MAP3K19: variants seen among roughly 807,000 people sequenced by gnomAD.
The protein encoded by MAP3K19 is mitogen-activated protein kinase kinase kinase 19, also known as SPS1/STE20-related protein kinase YSK4.
A neutral mutation model predicts 114.4 loss-of-function variants in MAP3K19; 91 were observed. The ratio of observed to expected loss-of-function variants is 0.80; its 90% CI spans 0.67 to 0.95. MAP3K19 has a LOEUF of 0.95. MAP3K19 is among the 40% of genes least tolerant of loss of function. The probability of loss-of-function intolerance (pLI) is 0.00; values close to 1 mark genes in which losing one functional copy is unlikely to be tolerated. For missense variants in MAP3K19, 1,471 were observed against 1,573.2 expected, an observed-to-expected ratio of 0.94 and a Z score of 1.10; for synonymous variants, 518 against 530.5, an observed-to-expected ratio of 0.98 and a Z score of 0.32.
At chr2:135,023,712 T>C in intron 4 of MAP3K19, 1 of 391,354 alleles carries the variant, frequency 2.6e-6, no homozygotes, top group Non-Finnish European at 5.2e-6. Context: ...AGGCTCACTC[T>C]CACACCCCAC....
intron 5 of MAP3K19, among the ~76,000 whole-genome samples, chr2:135,015,306 A>G (rs77053094): frequency 0.011 from 1,751 of 152,292 alleles, 28 homozygotes; most frequent in African/African-American, 0.039. Flanking sequence ...AAAGCTGAGC[A>G]TCTTTTAATA....
intron 2 of MAP3K19, among the ~76,000 whole-genome samples, chr2:135,037,092 G>A (rs1181390853): frequency 2.0e-5 from 3 of 152,018 alleles, no homozygotes; most frequent in Non-Finnish European, 4.4e-5. Context: ...TGCCTCCTGG[G>A]TTCAAGCAAT....
At chr2:134,978,417 T>C (rs1684396750) in intron 12 of MAP3K19, among the ~76,000 whole-genome samples, 1 of 152,064 alleles carries the variant, frequency 6.6e-6, no homozygotes, top group Non-Finnish European at 1.5e-5. Flanking sequence ...TTGGTCTCCA[T>C]CTTGAACTCC....
In MAP3K19 at chr2:135,022,666, A is replaced by G. The variant is rs1030967745; in HGVS notation, c.23-836T>C. ...AAAGCAACACAGGGCCTTACAGACC[A>G]TCCTATAATTTAAAAAATTTAGATC... On this transcript the variant is annotated intron_variant, in intron 4 of 12. Coordinates refer to ENST00000392915, the MANE Select transcript of MAP3K19 (RefSeq NM_025052.5). Among the ~76,000 whole-genome samples the G allele has an allele frequency of 2.0e-5, 3 of 152,338 alleles. No individual in the cohort carries two copies. In the East Asian group the frequency reaches 5.8e-4, roughly 29 times the overall value.
intron 8 of MAP3K19, among the ~76,000 whole-genome samples, chr2:134,991,797 T>G (rs1685598837): frequency 6.6e-6 from 1 of 152,202 alleles, no homozygotes; most frequent in Non-Finnish European, 1.5e-5. Context: ...TATTTATATC[T>G]CTATTCTGAC....
rs1177117281 is a variant in MAP3K19 at position 134,988,043 on chromosome 2, GA to G, written c.828del (p.Leu277SerfsTer37). ...GALVKSLMDP[T>X]LRSSDGFIWS... is the part of the protein sequence containing the mutation. ...CAAATGAAGCCATCAGAAGACCTGA[GA>G]GTCGGATCCATCAACGACTTAACTA... On this transcript the variant is annotated frameshift_variant, in exon 10 of 13. Coordinates refer to ENST00000392915, the MANE Select transcript of MAP3K19 (RefSeq NM_025052.5). LOFTEE classifies it high-confidence loss of function. 1 of 1,613,770 alleles carries G rather than the reference GA, an allele frequency of 6.2e-7. No homozygotes were observed. Among genetic ancestry groups the G allele is most frequent in the Non-Finnish European group, 8.5e-7 (1 of 1,179,878 alleles).
intron 8 of MAP3K19, among the ~76,000 whole-genome samples, chr2:134,997,885 C>T (rs1686133011): frequency 6.6e-6 from 1 of 151,554 alleles, no homozygotes; most frequent in Admixed American, 6.6e-5. Flanking sequence ...CTCTTAAAAT[C>T]CCATAATAAT....
In MAP3K19 at chr2:134,986,486, T is replaced by G; in HGVS notation, c.2386A>C (p.Met796Leu). ...ACAGGAGGGAATTCATTCTGTTTCA[T>G]GGACTGCTCAGGTGTCTGAGCCAAG... is the stretch of plus-strand genomic sequence containing the variant. ...MNLAQTPEQS[M>L]KQNEFPPVSD... The change falls in exon 10 of 13, where the codon ATG becomes CTG. Residue 796 changes from methionine (M) to leucine (L), a missense_variant. Met to Leu is a conservative substitution (Grantham distance 15). Coordinates refer to ENST00000392915, the MANE Select transcript of MAP3K19 (RefSeq NM_025052.5). 6.2e-7 allele frequency: 1 copy of G among 1,614,138 alleles called. No individual in the cohort carries two copies. Among genetic ancestry groups the G allele is most frequent in the Non-Finnish European group, 8.5e-7 (1 of 1,180,006 alleles).
chr2:135,029,147 C>T (rs1465791132), intron 3 of MAP3K19, among the ~76,000 whole-genome samples: 2 of 152,112 alleles, frequency 1.3e-5, no homozygotes, highest in Admixed American at 1.3e-4. Flanking sequence ...CCGAGGCGGG[C>T]AGATCACAAG....
At chr2:135,020,024 C>CTT (rs112740691) in intron 5 of MAP3K19, among the ~76,000 whole-genome samples, 4 of 148,698 alleles carry the variant, frequency 2.7e-5, no homozygotes, top group African/African-American at 9.8e-5. Flanking sequence ...TTTTCTTTTC[C>CTT]TTTTTTTTTT....
chr2:135,039,646 G>T (rs1688608066), intron 2 of MAP3K19, among the ~76,000 whole-genome samples: 1 of 152,150 alleles, frequency 6.6e-6, no homozygotes, highest in African/African-American at 2.4e-5. Context: ...AACTTGTGCA[G>T]TTGAGTAAAA....
At chr2:134,980,524 A>G (rs1684559781) in intron 12 of MAP3K19, among the ~76,000 whole-genome samples, 1 of 152,216 alleles carries the variant, frequency 6.6e-6, no homozygotes, top group Non-Finnish European at 1.5e-5. Flanking sequence ...TCATTGGTAA[A>G]TAAGTAGATC....
chr2:134,972,060 C>T (rs1343207464), intron 12 of MAP3K19, among the ~76,000 whole-genome samples: 3 of 151,920 alleles, frequency 2.0e-5, no homozygotes, highest in Non-Finnish European at 4.4e-5. Flanking sequence ...ATGGGGTATC[C>T]ATCCTCTCAA....
At chr2:135,012,193 C>CT (rs1386375523) in intron 5 of MAP3K19, among the ~76,000 whole-genome samples, 3 of 152,108 alleles carry the variant, frequency 2.0e-5, no homozygotes, top group Non-Finnish European at 4.4e-5. Context: ...GCTGTGGGGG[C>CT]TGTCGTGTGT....
chr2:134,983,775 G>A lies in MAP3K19; in HGVS notation c.3123C>T (p.Ile1041=), dbSNP rs572777417. The A allele has an allele frequency of 6.2e-7, 1 of 1,605,814 alleles. No individual in the cohort carries two copies. Among genetic ancestry groups the A allele is most frequent in the African/African-American group, 1.3e-5 (1 of 74,546 alleles). ...RIYDREEKFL[I]SNEKKIFSEN... is the part of the protein sequence containing the mutation. Reference sequence around the variant, plus strand: ...CAGAAAATATCTTCTTTTCATTTGAGATGAGAAATTTCTCCTCCCTGTCAT... The same window carrying A: ...CAGAAAATATCTTCTTTTCATTTGAAATGAGAAATTTCTCCTCCCTGTCAT... The change falls in exon 11 of 13, where the codon ATC becomes ATT. Residue 1041 remains isoleucine, a synonymous_variant. Transcript: ENST00000392915.
chr2:134,968,559 G>A (rs1345391837), intron 12 of MAP3K19, among the ~76,000 whole-genome samples: 42 of 150,576 alleles, frequency 2.8e-4, no homozygotes, highest in Non-Finnish European at 5.3e-4. Flanking sequence ...CAGACGGGGT[G>A]GCTGCCGGGC....
At chr2:134,968,353 C>A (rs1389511179) in intron 12 of MAP3K19, among the ~76,000 whole-genome samples, 1 of 151,648 alleles carries the variant, frequency 6.6e-6, no homozygotes, top group African/African-American at 2.4e-5. Flanking sequence ...TCATCATGGC[C>A]CGTTCTCAAT....
intron 5 of MAP3K19, among the ~76,000 whole-genome samples, chr2:135,006,212 G>T (rs1215652043): frequency 1.3e-5 from 2 of 152,220 alleles, no homozygotes; most frequent in Non-Finnish European, 2.9e-5. Context: ...TTCATTCGAA[G>T]TTATAGCTGA....
intron 1 of MAP3K19, among the ~76,000 whole-genome samples, chr2:135,042,358 T>C (rs1017939262): frequency 6.6e-6 from 1 of 151,854 alleles, no homozygotes; most frequent in Non-Finnish European, 1.5e-5. Context: ...AAACATTAGC[T>C]GGGCATGGTG....
Sources: gnomAD v4.1 joint callset for allele counts (sites outside exome capture counted in the v4.1 genomes callset) on GRCh38, gnomAD v4.1.1 for gene constraint, MANE v1.5 for transcripts, NCBI Gene and HGNC (gene_info 2026-07-23, HGNC 2026-07-21) for gene names.